The following ARNT2 variants were observed in gnomAD, a reference collection of about 807,000 sequenced individuals.
ARNT2 encodes aryl hydrocarbon receptor nuclear translocator 2.
A neutral mutation model predicts 91.7 loss-of-function variants in ARNT2; 36 were observed. The observed-to-expected ratio is 0.39, with a 90% CI of 0.30 to 0.52. The LOEUF (loss-of-function observed/expected upper bound fraction) is 0.52, where lower values mean the gene tolerates loss of function less well. Among genes scored for constraint, ARNT2 ranks in the 20% least tolerant of loss-of-function variants. ARNT2 has a pLI of 0.72. For synonymous variants in ARNT2, 365 were observed against 347.1 expected, an observed-to-expected ratio of 1.05 and a Z score of -0.57; for missense variants, 775 against 939.3, an observed-to-expected ratio of 0.83 and a Z score of 2.29.
chr15:80,441,253 C>T, intron 1 of ARNT2: 1 of 985,320 alleles, frequency 1.0e-6, no homozygotes, highest in Non-Finnish European at 1.2e-6. Context: ...ATTTTCTCAG[C>T]AGAATACAAA....
intron 5 of ARNT2, among the ~76,000 whole-genome samples, chr15:80,494,408 C>T (rs1479799431): frequency 6.6e-6 from 1 of 152,186 alleles, no homozygotes; most frequent in African/African-American, 2.4e-5. Context: ...TGCCTTTCCA[C>T]AGCCAAGGAG....
At chr15:80,586,248 T>C (rs1441606416) in intron 17 of ARNT2, among the ~76,000 whole-genome samples, 1 of 152,088 alleles carries the variant, frequency 6.6e-6, no homozygotes, top group Admixed American at 6.5e-5. Context: ...ATACGTAGGA[T>C]CTAAGTTACA....
At chr15:80,461,243 C>T (rs1029258293) in intron 3 of ARNT2, among the ~76,000 whole-genome samples, 3 of 152,202 alleles carry the variant, frequency 2.0e-5, no homozygotes, top group Non-Finnish European at 2.9e-5. Context: ...CAATACCCAA[C>T]GGTGTGGATA....
chr15:80,481,109 G>T (rs950375469), intron 5 of ARNT2, among the ~76,000 whole-genome samples: 2 of 152,208 alleles, frequency 1.3e-5, no homozygotes, highest in Non-Finnish European at 1.5e-5. Flanking sequence ...TCCTGTGCAT[G>T]ATTCACATGT....
At chr15:80,472,391 A>T (rs1896744225) in intron 4 of ARNT2, among the ~76,000 whole-genome samples, 1 of 152,206 alleles carries the variant, frequency 6.6e-6, no homozygotes, top group African/African-American at 2.4e-5. Flanking sequence ...CCTCACAGGC[A>T]GGAATGAAAA....
chr15:80,466,822 T>C (rs1415634032), intron 3 of ARNT2, among the ~76,000 whole-genome samples: 1 of 152,274 alleles, frequency 6.6e-6, no homozygotes. Context: ...TGGAGCATTT[T>C]CTGGACTAGG....
intron 8 of ARNT2, among the ~76,000 whole-genome samples, chr15:80,541,785 C>T (rs1175734191): frequency 6.6e-6 from 1 of 152,226 alleles, no homozygotes; most frequent in Non-Finnish European, 1.5e-5. Flanking sequence ...ATGTAGATTG[C>T]ACAGTCCTGC....
At chr15:80,588,058 G>A (rs1893208771) in intron 17 of ARNT2, among the ~76,000 whole-genome samples, 1 of 152,188 alleles carries the variant, frequency 6.6e-6, no homozygotes, top group African/African-American at 2.4e-5. Context: ...GGCAGTGGGT[G>A]TGGCCATGAC....
chr15:80,488,688 C>A (rs559837532), intron 5 of ARNT2: 1 of 152,082 alleles, frequency 6.6e-6, no homozygotes, highest in East Asian at 1.9e-4. Flanking sequence ...CAATGCGACC[C>A]CTGCCAACAA....
At chr15:80,477,027 T>A (rs1896815865) in intron 5 of ARNT2, among the ~76,000 whole-genome samples, 1 of 152,194 alleles carries the variant, frequency 6.6e-6, no homozygotes, top group African/African-American at 2.4e-5. Context: ...TTGTGTGTAG[T>A]ACCTTCCCAC....
chr15:80,471,893 C>T (rs1350753819), intron 4 of ARNT2, among the ~76,000 whole-genome samples: 2 of 152,078 alleles, frequency 1.3e-5, no homozygotes, highest in East Asian at 1.9e-4. Context: ...CTAGTGAGGT[C>T]GTATTTTATA....
At chr15:80,532,951 AGAG>A (rs2141443005) in intron 8 of ARNT2, among the ~76,000 whole-genome samples, 1 of 152,306 alleles carries the variant, frequency 6.6e-6, no homozygotes, top group East Asian at 1.9e-4. Context: ...AGCAGGAAGA[AGAG>A]GAGAGAGTGG....
chr15:80,568,644 C>T (rs781390269), intron 12 of ARNT2, among the ~76,000 whole-genome samples: 1 of 152,202 alleles, frequency 6.6e-6, no homozygotes, highest in Non-Finnish European at 1.5e-5. Flanking sequence ...AGCGTAGAGG[C>T]AGTAAGGGGC....
rs149330365 is a variant in ARNT2, at chr15:80,496,412, C to T, written c.623-11744C>T. Reference sequence around the variant, plus strand: ...AGCCTGTAACTCCAGCTGGTAAGGACGCTGCACTTGGTCACTGCTGTGAAA... The same window carrying T: ...AGCCTGTAACTCCAGCTGGTAAGGATGCTGCACTTGGTCACTGCTGTGAAA... On this transcript the variant is annotated intron_variant, in intron 5 of 18. Transcript: ENST00000303329. 9.2e-5 allele frequency among the ~76,000 whole-genome samples: 14 copies of T among 152,292 alleles called. No individual in the cohort carries two copies. The East Asian group carries it at 2.3e-3, about 25-fold the overall frequency.
chr15:80,426,105 C>T (rs1895929189), intron 1 of ARNT2, among the ~76,000 whole-genome samples: 1 of 140,216 alleles, frequency 7.1e-6, no homozygotes, highest in African/African-American at 2.7e-5. Flanking sequence ...GGATACGTTT[C>T]TTTTTCACTC....
intron 5 of ARNT2, among the ~76,000 whole-genome samples, chr15:80,506,150 A>C (rs371970907): frequency 9.2e-5 from 14 of 151,924 alleles, no homozygotes; most frequent in African/African-American, 3.4e-4. Context: ...GTTAGCCAGG[A>C]TGGTCTCGAT....
At chr15:80,504,754 T>G (rs1897249491) in intron 5 of ARNT2, among the ~76,000 whole-genome samples, 4 of 145,530 alleles carry the variant, frequency 2.7e-5, no homozygotes, top group African/African-American at 5.2e-5. Context: ...GGCTACAGAG[T>G]GAGACCCTGT....
chr15:80,531,152 T>C (rs1897733093), intron 8 of ARNT2, among the ~76,000 whole-genome samples: 1 of 152,226 alleles, frequency 6.6e-6, no homozygotes, highest in Admixed American at 6.5e-5. Flanking sequence ...TGCAAAAATA[T>C]GTTTCAATTC....
chr15:80,491,906 A>G (rs1338759754), intron 5 of ARNT2, among the ~76,000 whole-genome samples: 1 of 148,660 alleles, frequency 6.7e-6, no homozygotes, highest in Admixed American at 6.9e-5. Flanking sequence ...TCTTGGCTGA[A>G]TCACAGTACC....
Sources: gnomAD v4.1 joint callset for allele counts (sites outside exome capture counted in the v4.1 genomes callset) on GRCh38, gnomAD v4.1.1 for gene constraint, MANE v1.5 for transcripts, NCBI Gene and HGNC (gene_info 2026-07-23, HGNC 2026-07-21) for gene names.